The following FAP variants were observed in gnomAD, a reference collection of about 807,000 sequenced individuals.
FAP encodes the protein fibroblast activation protein alpha.
A neutral mutation model predicts 126.5 loss-of-function variants in FAP; 110 were observed. The observed-to-expected ratio is 0.87, with a 90% CI of 0.74 to 1.02. The LOEUF is 1.02. FAP is among the 50% of genes least tolerant of loss of function. The pLI, the probability that FAP is intolerant of heterozygous loss-of-function variation, is 0.00. For synonymous variants in FAP, 334 were observed against 297.3 expected (o/e 1.12, Z -1.27); for missense variants, 919 against 909.2 (o/e 1.01, Z -0.14).
intron 20 of FAP, among the ~76,000 whole-genome samples, chr2:162,185,386 A>T (rs1273972119): frequency 1.3e-5 from 2 of 152,108 alleles, no homozygotes; most frequent in Non-Finnish European, 2.9e-5. Flanking sequence ...GTTATATCAA[A>T]TTTTAAAGTT....
At position 162,178,302 on chromosome 2, in the gene FAP, C is replaced by T. The variant is rs533224608; in HGVS notation, c.1870-3336G>A. 2.0e-5 allele frequency among the ~76,000 whole-genome samples: 3 copies of T among 152,316 alleles called. No individual in the cohort carries two copies. The South Asian group carries it at 6.2e-4, about 32-fold the overall frequency. ...TAATTTAAGCAAAACCCTCGCTGCTCTTCAATTGTCAGAATAATTGTGTTG... is the reference window on the plus strand; with the variant it reads ...TAATTTAAGCAAAACCCTCGCTGCTTTTCAATTGTCAGAATAATTGTGTTG... On this transcript the variant is annotated intron_variant, in intron 21 of 25. Coordinates refer to ENST00000188790, the MANE Select transcript of FAP (RefSeq NM_004460.5).
At chr2:162,181,314 G>C (rs1346958009) in intron 21 of FAP, among the ~76,000 whole-genome samples, 2 of 152,140 alleles carry the variant, frequency 1.3e-5, no homozygotes, top group East Asian at 3.9e-4. Context: ...AACAATCATA[G>C]AGGCACAGAA....
chr2:162,224,411 C>A, intron 5 of FAP, 55 bp downstream of exon 5: 5 of 1,072,972 alleles, frequency 4.7e-6, no homozygotes, highest in Non-Finnish European at 2.8e-6. Flanking sequence ...TTTTAAACCA[C>A]CTTGTGGATT....
At chr2:162,204,204 A>G (rs1274127881) in intron 12 of FAP, among the ~76,000 whole-genome samples, 2 of 152,234 alleles carry the variant, frequency 1.3e-5, no homozygotes, top group Non-Finnish European at 2.9e-5. Context: ...GAGCAAGAAA[A>G]GAGTGGAGGA....
At chr2:162,172,424 AC>A (rs1312530220) in intron 25 of FAP, 8 of 170,750 alleles carry the variant, frequency 4.7e-5, no homozygotes, top group Non-Finnish European at 1.0e-4. Flanking sequence ...GTTTGTGATG[AC>A]ATTCTGCAAC....
chr2:162,211,731 A>G lies in FAP; in HGVS notation c.1003-1735T>C, dbSNP rs975063808. Reference sequence around the variant, plus strand: ...TTTTAATTCCCTTTTCAGAGGAGGAAGCATAATATAAAAGATGTTTCTTCC... The same window carrying G: ...TTTTAATTCCCTTTTCAGAGGAGGAGGCATAATATAAAAGATGTTTCTTCC... On this transcript the variant is annotated intron_variant, in intron 11 of 25. Transcript: ENST00000188790. Among the ~76,000 whole-genome samples the G allele has an allele frequency of 6.4e-4, 98 of 152,220 alleles. 5 individuals carry two copies. Among genetic ancestry groups the G allele is most frequent in the African/African-American group, 1.4e-4 (6 of 41,460 alleles).
intron 22 of FAP, among the ~76,000 whole-genome samples, chr2:162,174,423 A>G (rs977874763): frequency 2.0e-5 from 3 of 152,190 alleles, no homozygotes; most frequent in Non-Finnish European, 4.4e-5. Flanking sequence ...CACAAACAGG[A>G]GTATTTCTCC....
chr2:162,231,929 G>A (rs1370209686), intron 2 of FAP, among the ~76,000 whole-genome samples: 8 of 152,158 alleles, frequency 5.3e-5, no homozygotes, highest in African/African-American at 1.7e-4. Flanking sequence ...ATGCATATGA[G>A]GTCATACCAA....
At chr2:162,239,551 G>T (rs1374865188) in intron 2 of FAP, among the ~76,000 whole-genome samples, 1 of 152,056 alleles carries the variant, frequency 6.6e-6, no homozygotes, top group Admixed American at 6.5e-5. Flanking sequence ...CTGGGATAAA[G>T]GCTCTCTACT....
intron 10 of FAP, 110 bp downstream of exon 10, chr2:162,215,788 T>G: frequency 2.7e-6 from 2 of 737,266 alleles, no homozygotes; most frequent in Non-Finnish European, 4.5e-6. Context: ...TGTATGTCTT[T>G]AGCTTTGTGT....
chr2:162,209,049 C>T (rs1441321459), intron 12 of FAP, among the ~76,000 whole-genome samples: 3 of 151,986 alleles, frequency 2.0e-5, no homozygotes, highest in African/African-American at 7.2e-5. Context: ...TGAAGATTAT[C>T]ACTTTACAGT....
chr2:162,233,348 T>A (rs931069907), intron 2 of FAP, among the ~76,000 whole-genome samples: 4 of 152,036 alleles, frequency 2.6e-5, no homozygotes, highest in Non-Finnish European at 5.9e-5. Flanking sequence ...TGCTTGTCTC[T>A]ATTTCTACTG....
At position 162,235,941 on chromosome 2, in the gene FAP, TG is replaced by T. The variant is rs200328220; in HGVS notation, c.91+6966del. 2.6e-3 allele frequency among the ~76,000 whole-genome samples: 399 copies of T among 152,304 alleles called. 2 individuals carry two copies. The highest frequency in any genetic ancestry group is 8.8e-3 in the African/African-American group (365 of 41,560). ...CTTTCATTAAGTGTGATGTTAACTA[TG>T]GTTTTTTTTTGTAGGTGTCTTTGAT... is the stretch of plus-strand genomic sequence containing the variant. On this transcript the variant is annotated intron_variant, in intron 2 of 25. Coordinates refer to ENST00000188790, the MANE Select transcript of FAP (RefSeq NM_004460.5).
intron 21 of FAP, among the ~76,000 whole-genome samples, chr2:162,179,813 T>TATATATA (rs1491511294): frequency 1.0e-5 from 1 of 100,066 alleles, no homozygotes; most frequent in Non-Finnish European, 2.3e-5. Context: ...TATATATATA[T>TATATATA]TTTTTTTTTT....
intron 17 of FAP, among the ~76,000 whole-genome samples, chr2:162,192,216 C>T (rs1268059417): frequency 6.6e-6 from 1 of 152,102 alleles, no homozygotes; most frequent in Non-Finnish European, 1.5e-5. Flanking sequence ...TTATGCAGAC[C>T]TAATTTTGCT....
chr2:162,223,555 A>T (rs1384384443), intron 6 of FAP, 53 bp downstream of exon 6: 3 of 1,134,190 alleles, frequency 2.6e-6, no homozygotes, highest in Non-Finnish European at 2.7e-6. Context: ...GTTTGGAATG[A>T]AAACATTCTA....
At chr2:162,233,150 A>G (rs777067265) in intron 2 of FAP, among the ~76,000 whole-genome samples, 2 of 151,994 alleles carry the variant, frequency 1.3e-5, no homozygotes, top group Non-Finnish European at 2.9e-5. Flanking sequence ...CCCCACTTAC[A>G]TATCTCACAA....
intron 21 of FAP, among the ~76,000 whole-genome samples, chr2:162,180,935 T>A (rs957842957): frequency 1.8e-4 from 27 of 152,076 alleles, no homozygotes; most frequent in African/African-American, 5.8e-4. Flanking sequence ...GGAAGACTAA[T>A]GAGGGTCAAG....
intron 2 of FAP, among the ~76,000 whole-genome samples, chr2:162,232,294 C>T (rs565631313): frequency 2.6e-5 from 4 of 152,156 alleles, no homozygotes; most frequent in Non-Finnish European, 5.9e-5. Flanking sequence ...CTTTTGTGGA[C>T]ACCATTTTAC....
Sources: allele counts gnomAD v4.1 joint callset (sites outside exome capture counted in the v4.1 genomes callset), GRCh38; gene constraint gnomAD v4.1.1; transcripts MANE v1.5; gene names NCBI Gene and HGNC (gene_info 2026-07-23, HGNC 2026-07-21).